Variants in ARID1B observed in about 807,000 individuals in gnomAD.
ARID1B encodes AT-rich interactive domain-containing protein 1B.
A neutral mutation model predicts 212.3 loss-of-function variants in ARID1B; 30 were observed. The ratio of observed to expected loss-of-function variants is 0.14; its 90% confidence interval spans 0.11 to 0.19. ARID1B has a LOEUF of 0.19. Ranked by LOEUF, ARID1B falls within the 10% of genes least tolerant of loss-of-function variation. ARID1B has a pLI of 1.00. For missense variants in ARID1B, 2,891 were observed against 3,204.0 expected (o/e 0.90, Z 2.36); for synonymous variants, 1,402 against 1,301.7 (o/e 1.08, Z -1.66).
At chr6:156,927,913 T>C (rs1268488773) in intron 3 of ARID1B, among the ~76,000 whole-genome samples, 1 of 152,228 alleles carries the variant, frequency 6.6e-6, no homozygotes, top group African/African-American at 2.4e-5. Context: ...AAATAGTTAA[T>C]ATATGGCATT....
intron 5 of ARID1B, among the ~76,000 whole-genome samples, chr6:157,109,691 T>C (rs1294706325): frequency 6.6e-6 from 1 of 152,228 alleles, no homozygotes; most frequent in Admixed American, 6.5e-5. Flanking sequence ...TCATTATCTC[T>C]CTTTTATCAG....
intron 4 of ARID1B, among the ~76,000 whole-genome samples, chr6:157,077,008 G>C (rs1784354195): frequency 1.3e-5 from 2 of 152,158 alleles, no homozygotes; most frequent in South Asian, 4.1e-4. Context: ...CTGTCAGGCT[G>C]TTTTAAGGTT....
rs536473614 is a variant in ARID1B, at chr6:156,894,103, A to G, written c.1987-7273A>G. Among the ~76,000 whole-genome samples, 15 of 152,240 alleles carry G rather than the reference A, an allele frequency of 9.9e-5. No homozygotes were observed. The East Asian group carries it at 2.9e-3, about 29-fold the overall frequency. Reference sequence around the variant, plus strand: ...ATACATTCCGTGGCCTTAAAACGGAATGAAACATGATACACACCACAACAT... The same window carrying G: ...ATACATTCCGTGGCCTTAAAACGGAGTGAAACATGATACACACCACAACAT... On this transcript the variant is annotated intron_variant, in intron 2 of 19. Coordinates refer to ENST00000636930, the MANE Select transcript of ARID1B (RefSeq NM_001374828.1).
intron 4 of ARID1B, among the ~76,000 whole-genome samples, chr6:156,989,823 G>T (rs1778160979): frequency 6.6e-6 from 1 of 152,174 alleles, no homozygotes; most frequent in Non-Finnish European, 1.5e-5. Flanking sequence ...AGTAGCAGTG[G>T]TAGATGTATG....
Position 157,189,754 on chromosome 6 carries a change from C to A in ARID1B, c.4032C>A (p.Gly1344=). ...KPPTPASTPH[G]QMTPMQGGRS... ...CTACCCCAGCCTCCACCCCTCACGG[C>A]CAGATGACTCCAATGCAAGGTGGAA... The change falls in exon 14 of 20, where the codon GGC becomes GGA. Residue 1344 remains glycine (G), a synonymous_variant. Coordinates refer to ENST00000636930, the MANE Select transcript of ARID1B (RefSeq NM_001374828.1). The A allele has an allele frequency of 6.2e-7, 1 of 1,613,918 alleles. No homozygotes were observed. The highest frequency in any genetic ancestry group is 8.5e-7 in the Non-Finnish European group (1 of 1,179,992).
chr6:157,040,690 G>A (rs898362022), intron 4 of ARID1B, among the ~76,000 whole-genome samples: 5 of 152,144 alleles, frequency 3.3e-5, no homozygotes, highest in African/African-American at 1.2e-4. Flanking sequence ...GTGCAGTCTC[G>A]CAAAACTATC....
At chr6:156,964,551 T>C (rs371876058) in intron 4 of ARID1B, among the ~76,000 whole-genome samples, 1 of 152,234 alleles carries the variant, frequency 6.6e-6, no homozygotes, top group Non-Finnish European at 1.5e-5. Flanking sequence ...TAAATTCTTT[T>C]ATGATGGCGT....
At chr6:156,931,524 C>T (rs1166339264) in intron 3 of ARID1B, among the ~76,000 whole-genome samples, 1 of 152,090 alleles carries the variant, frequency 6.6e-6, no homozygotes, top group Admixed American at 6.5e-5. Context: ...ATTCAGTCAG[C>T]GTCTACGACA....
intron 4 of ARID1B, among the ~76,000 whole-genome samples, chr6:157,070,136 A>G (rs966191518): frequency 8.6e-5 from 13 of 151,784 alleles, no homozygotes; most frequent in Admixed American, 8.5e-4. Context: ...TTTTTTTTCT[A>G]TTTTGTTTTC....
intron 8 of ARID1B, among the ~76,000 whole-genome samples, chr6:157,160,925 C>G (rs1304166181): frequency 6.6e-6 from 1 of 152,222 alleles, no homozygotes; most frequent in Non-Finnish European, 1.5e-5. Context: ...ACATAACACA[C>G]AGACCTCTCC....
intron 2 of ARID1B, among the ~76,000 whole-genome samples, chr6:156,855,157 T>C (rs558159734): frequency 6.6e-6 from 1 of 152,340 alleles, no homozygotes; most frequent in East Asian, 1.9e-4. Flanking sequence ...AGATGGGGAA[T>C]GATGTCCACT....
chr6:156,897,533 C>G (rs1788580348), intron 2 of ARID1B, among the ~76,000 whole-genome samples: 1 of 151,890 alleles, frequency 6.6e-6, no homozygotes, highest in African/African-American at 2.4e-5. Flanking sequence ...CTTGGCCTCC[C>G]AAAGTGCTGG....
At chr6:157,204,251 G>A in intron 19 of ARID1B, 1 of 343,158 alleles carries the variant, frequency 2.9e-6, no homozygotes, top group South Asian at 6.0e-5. Flanking sequence ...TGTGTATATG[G>A]GATAGATGAC....
chr6:157,057,908 A>G (rs371890740), intron 4 of ARID1B, among the ~76,000 whole-genome samples: 25 of 152,204 alleles, frequency 1.6e-4, no homozygotes, highest in East Asian at 1.3e-3. Context: ...CTGATATTCC[A>G]GAGGAATTAC....
chr6:157,138,868 A>G (rs1195410594), intron 7 of ARID1B, among the ~76,000 whole-genome samples: 1 of 152,218 alleles, frequency 6.6e-6, no homozygotes, highest in East Asian at 1.9e-4. Context: ...AATATACTAA[A>G]TCTGTTTTGC....
chr6:157,039,628 T>A lies in ARID1B; in HGVS notation c.2248-45034T>A, dbSNP rs9717949. Among the ~76,000 whole-genome samples the A allele has an allele frequency of 1.3e-3, 167 of 124,070 alleles. 2 individuals carry two copies. Among genetic ancestry groups the A allele is most frequent in the African/African-American group, 5.3e-3 (159 of 30,192 alleles). 81.4% of individuals were successfully genotyped at this position (124,070 alleles called of 152,430 possible). ...CCAAAAGCTACCTACCTTCCTTCCT[T>A]CCTTCCTTCCTTCCTTCTTTCCTTC... On this transcript the variant is annotated intron_variant, in intron 4 of 19. Transcript: ENST00000636930.
chr6:156,940,028 A>C (rs1286695099), intron 4 of ARID1B: 1 of 152,168 alleles, frequency 6.6e-6, no homozygotes, highest in African/African-American at 2.4e-5. Flanking sequence ...GGATCTGAAG[A>C]GTTGTTAATA....
chr6:157,123,354 C>T (rs962454389), intron 6 of ARID1B, among the ~76,000 whole-genome samples: 7 of 151,396 alleles, frequency 4.6e-5, no homozygotes, highest in East Asian at 2.0e-4. Flanking sequence ...GGTTGAGTGG[C>T]CTAAAACTGA....
intron 2 of ARID1B, among the ~76,000 whole-genome samples, chr6:156,862,907 A>G (rs574913929): frequency 1.3e-5 from 2 of 152,244 alleles, no homozygotes; most frequent in Admixed American, 6.5e-5. Flanking sequence ...GATGAATAAC[A>G]GTCATTTAAA....
Sources: gnomAD v4.1 joint callset for allele counts (sites outside exome capture counted in the v4.1 genomes callset) on GRCh38, gnomAD v4.1.1 for gene constraint, MANE v1.5 for transcripts, NCBI Gene and HGNC (gene_info 2026-07-23, HGNC 2026-07-21) for gene names.